The following SYNDIG1 variants were observed in gnomAD, a reference collection of about 807,000 sequenced individuals.
SYNDIG1 encodes the protein synapse differentiation inducing 1, also known as synapse differentiation-inducing gene protein 1.
In SYNDIG1, 9 loss-of-function variants were observed where a neutral mutation model predicts 19.4. The observed-to-expected ratio is 0.46, with a 90% CI of 0.28 to 0.81. The LOEUF is 0.81. Ranked by LOEUF, SYNDIG1 falls within the 30% of genes least tolerant of loss-of-function variation. The pLI, the probability that SYNDIG1 is intolerant of heterozygous loss-of-function variation, is 0.12. For synonymous variants in SYNDIG1, 141 were observed against 145.9 expected, an observed-to-expected ratio of 0.97 and a Z score of 0.24; for missense variants, 311 against 343.3, an observed-to-expected ratio of 0.91 and a Z score of 0.74.
intron 2 of SYNDIG1, among the ~76,000 whole-genome samples, chr20:24,553,507 C>A (rs1473342415): frequency 6.6e-6 from 1 of 152,152 alleles, no homozygotes; most frequent in African/African-American, 2.4e-5. Context: ...AGGAAGGGAT[C>A]CAGTTTCAGC....
chr20:24,577,833 C>T (rs1051992814), intron 2 of SYNDIG1, among the ~76,000 whole-genome samples: 3 of 152,292 alleles, frequency 2.0e-5, no homozygotes, highest in Non-Finnish European at 4.4e-5. Flanking sequence ...GATGTATGCC[C>T]TGGAGAGCAT....
chr20:24,659,710 A>G (rs920881829), intron 3 of SYNDIG1, among the ~76,000 whole-genome samples: 1 of 152,198 alleles, frequency 6.6e-6, no homozygotes, highest in Non-Finnish European at 1.5e-5. Context: ...GCCGGGCAAT[A>G]CCTGCCCTTG....
At position 24,594,334 on chromosome 20, in the gene SYNDIG1, C is replaced by A. The variant is rs149099302; in HGVS notation, c.618+9341C>A. ...TTGTTTTGTCGACTTTGTCGAAGAT[C>A]AGGTGTATGGTTTTATTTCTGGGTT... is the stretch of plus-strand genomic sequence containing the variant. On this transcript the variant is annotated intron_variant, in intron 3 of 3. Coordinates refer to ENST00000376862, the MANE Select transcript of SYNDIG1 (RefSeq NM_024893.3). 2.0e-3 allele frequency among the ~76,000 whole-genome samples: 297 copies of A among 151,976 alleles called. 2 individuals are homozygous for A. The highest frequency in any genetic ancestry group is 6.8e-3 in the African/African-American group (283 of 41,530).
At chr20:24,471,497 C>T (rs751166065) in intron 1 of SYNDIG1, among the ~76,000 whole-genome samples, 2 of 151,738 alleles carry the variant, frequency 1.3e-5, no homozygotes, top group Non-Finnish European at 2.9e-5. Context: ...CCACCGCCCG[C>T]CCCTTTGCAA....
chr20:24,505,900 A>G (rs2056580087), intron 1 of SYNDIG1, among the ~76,000 whole-genome samples: 2 of 152,238 alleles, frequency 1.3e-5, no homozygotes, highest in Admixed American at 1.3e-4. Context: ...TATTCTGCCA[A>G]ATTCTGTGGT....
At chr20:24,560,880 A>AC (rs560864319) in intron 2 of SYNDIG1, among the ~76,000 whole-genome samples, 6 of 151,906 alleles carry the variant, frequency 3.9e-5, no homozygotes, top group South Asian at 2.1e-4. Flanking sequence ...AAAAACAAAA[A>AC]AAAAAAAGTG....
intron 1 of SYNDIG1, among the ~76,000 whole-genome samples, chr20:24,510,550 CAA>C (rs928892796): frequency 7.3e-6 from 1 of 137,614 alleles, no homozygotes; most frequent in Non-Finnish European, 1.5e-5. Context: ...GTCTGGGTGA[CAA>C]GAGTGAAACT....
chr20:24,602,061 A>G (rs1226943053), intron 3 of SYNDIG1, among the ~76,000 whole-genome samples: 2 of 151,546 alleles, frequency 1.3e-5, no homozygotes, highest in African/African-American at 4.9e-5. Context: ...CCCTTCTTGT[A>G]TGTTTCAATC....
At chr20:24,586,825 C>T (rs2058425663) in intron 3 of SYNDIG1, among the ~76,000 whole-genome samples, 1 of 152,184 alleles carries the variant, frequency 6.6e-6, no homozygotes, top group Non-Finnish European at 1.5e-5. Context: ...AAAGGAGAGA[C>T]CAGTCCTTTG....
At chr20:24,574,293 C>G (rs1042607446) in intron 2 of SYNDIG1, among the ~76,000 whole-genome samples, 1 of 148,524 alleles carries the variant, frequency 6.7e-6, no homozygotes, top group African/African-American at 2.5e-5. Flanking sequence ...GCCTGGGCAA[C>G]ACAGTGAAAC....
At chr20:24,653,461 G>T (rs542876295) in intron 3 of SYNDIG1, among the ~76,000 whole-genome samples, 1 of 152,268 alleles carries the variant, frequency 6.6e-6, no homozygotes, top group African/African-American at 2.4e-5. Context: ...AGTGGCAGAC[G>T]TTTCTTAATC....
chr20:24,472,567 T>C (rs971200480), intron 1 of SYNDIG1, among the ~76,000 whole-genome samples: 2 of 152,242 alleles, frequency 1.3e-5, no homozygotes, highest in Non-Finnish European at 2.9e-5. Flanking sequence ...TATTCTGAGG[T>C]TCATGGAGAG....
chr20:24,589,102 G>T (rs1600695605), intron 3 of SYNDIG1, among the ~76,000 whole-genome samples: 1 of 152,186 alleles, frequency 6.6e-6, no homozygotes, highest in South Asian at 2.1e-4. Flanking sequence ...TGCGATTAGG[G>T]TGGTGTGGCT....
chr20:24,591,498 T>C lies in SYNDIG1; in HGVS notation c.618+6505T>C, dbSNP rs551071033. ...TGTAAATGGAGAGTGAGAAATGGGATGCTATTTAATGAGGTCATGTCAAGA... is the reference window on the plus strand; with the variant it reads ...TGTAAATGGAGAGTGAGAAATGGGACGCTATTTAATGAGGTCATGTCAAGA... On this transcript the variant is annotated intron_variant, in intron 3 of 3. Transcript: ENST00000376862. Among the ~76,000 whole-genome samples the C allele has an allele frequency of 3.9e-4, 60 of 152,154 alleles. No homozygotes were observed. The South Asian group carries it at 0.012, about 32-fold the overall frequency.
intron 3 of SYNDIG1, among the ~76,000 whole-genome samples, chr20:24,603,562 T>G (rs1490657253): frequency 6.6e-6 from 1 of 152,140 alleles, no homozygotes; most frequent in Non-Finnish European, 1.5e-5. Context: ...TTCAGCTGTA[T>G]GCAGCAGAAG....
chr20:24,471,643 A>G lies in SYNDIG1; in HGVS notation c.-79+1890A>G, dbSNP rs564780087. On this transcript the variant is annotated intron_variant, in intron 1 of 3. Coordinates refer to ENST00000376862, the MANE Select transcript of SYNDIG1 (RefSeq NM_024893.3). ...AAGGAAAGAAAAGATGGAGAAACCT[A>G]TTTTTAAACTTTTTTATTATGGAAA... Among the ~76,000 whole-genome samples the G allele has an allele frequency of 1.4e-4, 21 of 150,800 alleles. No individual in the cohort carries two copies. In the South Asian group the frequency reaches 3.4e-3, roughly 24 times the overall value.
intron 1 of SYNDIG1, 131 bp from the exon 2 acceptor site, chr20:24,542,889 T>G: frequency 2.8e-6 from 2 of 718,608 alleles, no homozygotes; most frequent in Non-Finnish European, 4.4e-6. Context: ...TAGGACTGCA[T>G]TTTATCTAAC....
rs2059443277 is a variant in SYNDIG1, at chr20:24,648,766, G to A, written c.619-16580G>A. 2.0e-5 allele frequency among the ~76,000 whole-genome samples: 3 copies of A among 152,332 alleles called. No individual in the cohort carries two copies. In the South Asian group the frequency reaches 6.2e-4, roughly 32 times the overall value. On this transcript the variant is annotated intron_variant, in intron 3 of 3. Coordinates refer to ENST00000376862, the MANE Select transcript of SYNDIG1 (RefSeq NM_024893.3). ...CCAAGCCAAGTGCAGCAACACAGAG[G>A]CCAAGCCACAGCAGCCAGATTCCAT...
chr20:24,474,683 G>A (rs2055565708), intron 1 of SYNDIG1, among the ~76,000 whole-genome samples: 1 of 152,208 alleles, frequency 6.6e-6, no homozygotes, highest in Non-Finnish European at 1.5e-5. Flanking sequence ...GTCTGAAGGA[G>A]AGAGTACTTG....
Sources: allele counts gnomAD v4.1 joint callset (sites outside exome capture counted in the v4.1 genomes callset), GRCh38; gene constraint gnomAD v4.1.1; transcripts MANE v1.5; gene names NCBI Gene and HGNC (gene_info 2026-07-23, HGNC 2026-07-21).